ANO4: variants seen among roughly 807,000 people sequenced by gnomAD.
ANO4 encodes anoctamin-4.
Under a neutral mutation model 141.9 loss-of-function variants are expected in ANO4, and 69 were observed. The ratio of observed to expected loss-of-function variants is 0.49; its 90% CI spans 0.40 to 0.59. ANO4 has a LOEUF of 0.59. ANO4 is among the 20% of genes least tolerant of loss of function. ANO4 has a pLI of 0.00. For missense variants in ANO4, 894 were observed against 1,162.2 expected, an observed-to-expected ratio of 0.77 and a Z score of 3.36; for synonymous variants, 350 against 394.3, an observed-to-expected ratio of 0.89 and a Z score of 1.33.
intron 15 of ANO4, among the ~76,000 whole-genome samples, chr12:101,079,975 AC>A (rs1276222014): frequency 9.9e-5 from 15 of 151,920 alleles, no homozygotes; most frequent in Admixed American, 6.6e-5. Context: ...CCCCTCTTGG[AC>A]CCTGCTTCCC....
intron 3 of ANO4, among the ~76,000 whole-genome samples, chr12:100,937,891 T>A (rs879839570): frequency 2.6e-5 from 4 of 152,204 alleles, no homozygotes; most frequent in African/African-American, 4.8e-5. Flanking sequence ...CTTGCCTCCC[T>A]CTTCTTAAGA....
chr12:100,762,236 G>A (rs1431859190), intron 3 of ANO4, among the ~76,000 whole-genome samples: 1 of 152,196 alleles, frequency 6.6e-6, no homozygotes, highest in African/African-American at 2.4e-5. Flanking sequence ...ACAGTTGAGA[G>A]GCAGGTGCAG....
Position 101,043,697 on chromosome 12 carries a change from G to A in ANO4, c.1251+62G>A, listed in dbSNP as rs115679390. ...TTAACATACACCTTCCTGAGGGATG[G>A]TGGGTAACTCTATTCTGTCATTTCC... On this transcript the variant is annotated intron_variant, in intron 13 of 27. Coordinates refer to ENST00000392977, the MANE Select transcript of ANO4 (RefSeq NM_001286615.2). The A allele has an allele frequency of 3.7e-4, 449 of 1,223,638 alleles. 3 individuals are homozygous for A. In the African/African-American group the frequency reaches 6.2e-3, roughly 17 times the overall value. 75.8% of individuals were successfully genotyped at this position (1,223,638 alleles called of 1,614,324 possible).
At chr12:100,986,263 T>C (rs1410103045) in intron 7 of ANO4, among the ~76,000 whole-genome samples, 1 of 152,156 alleles carries the variant, frequency 6.6e-6, no homozygotes. Context: ...GGAAACCTGA[T>C]GGTGTAAGTC....
intron 7 of ANO4, among the ~76,000 whole-genome samples, chr12:100,977,498 C>T (rs865880130): frequency 3.3e-5 from 5 of 152,030 alleles, no homozygotes; most frequent in South Asian, 2.1e-4. Flanking sequence ...CTAGCTTGGG[C>T]AACATAGTGA....
chr12:101,081,022 A>AGT (rs139769612), intron 15 of ANO4, among the ~76,000 whole-genome samples: 2,485 of 141,216 alleles, frequency 0.018, 65 homozygotes, highest in African/African-American at 0.056. Context: ...TATGTATGTG[A>AGT]GTGTGTGTAT....
At chr12:101,029,111 C>T (rs1317705904) in intron 9 of ANO4, among the ~76,000 whole-genome samples, 1 of 152,188 alleles carries the variant, frequency 6.6e-6, no homozygotes, top group Non-Finnish European at 1.5e-5. Flanking sequence ...AAATAAAATC[C>T]TTTCCAGACA....
intron 7 of ANO4, among the ~76,000 whole-genome samples, chr12:100,977,532 T>TA (rs1592902840): frequency 6.6e-6 from 1 of 151,954 alleles, no homozygotes; most frequent in Admixed American, 6.6e-5. Context: ...AAAATGTAAA[T>TA]AAAAAAAACC....
At chr12:100,926,630 T>TGTG (rs2041884274) in intron 3 of ANO4, among the ~76,000 whole-genome samples, 4 of 140,350 alleles carry the variant, frequency 2.9e-5, no homozygotes, top group African/African-American at 1.2e-4. Context: ...GTGTGTGTGT[T>TGTG]TGTTTCTTTT....
intron 1 of ANO4, among the ~76,000 whole-genome samples, chr12:100,802,937 A>G (rs985723920): frequency 6.6e-6 from 1 of 152,202 alleles, no homozygotes; most frequent in Non-Finnish European, 1.5e-5. Flanking sequence ...TGACAATTCT[A>G]TGATAAACCA....
intron 9 of ANO4, among the ~76,000 whole-genome samples, chr12:101,021,117 G>A (rs2046504968): frequency 1.3e-5 from 2 of 152,224 alleles, no homozygotes; most frequent in African/African-American, 4.8e-5. Flanking sequence ...TGCAGATCCT[G>A]CTGGAAGAGG....
chr12:100,747,540 A>G (rs2032168623), intron 3 of ANO4, among the ~76,000 whole-genome samples: 1 of 152,264 alleles, frequency 6.6e-6, no homozygotes, highest in African/African-American at 2.4e-5. Context: ...CGGCCTCACC[A>G]TCTTCCCTTT....
chr12:100,920,951 TATC>T (rs1242266149), intron 2 of ANO4, among the ~76,000 whole-genome samples: 3 of 152,164 alleles, frequency 2.0e-5, no homozygotes, highest in Non-Finnish European at 4.4e-5. Flanking sequence ...GTGAGTCTGT[TATC>T]ATCATCCCTA....
intron 5 of ANO4, among the ~76,000 whole-genome samples, chr12:100,947,618 C>A: frequency 6.6e-6 from 1 of 152,202 alleles, no homozygotes; most frequent in East Asian, 1.9e-4. Flanking sequence ...CACACACACA[C>A]ATGCATGAGC....
intron 14 of ANO4, chr12:101,066,997 C>CAAAAAAAAAAA (rs34416390): frequency 6.6e-5 from 12 of 181,488 alleles, no homozygotes; most frequent in Admixed American, 1.7e-4. Context: ...TAAAGTATAA[C>CAAAAAAAAAAA]AAAAAAAAAA....
chr12:100,939,345 A>G lies in ANO4; in HGVS notation c.191A>G (p.Glu64Gly). The change falls in exon 4 of 28, where the codon GAA (glutamate) becomes GGA (glycine). Residue 64 changes from glutamate (E) to glycine (G), a missense_variant. Coordinates refer to ENST00000392977, the MANE Select transcript of ANO4 (RefSeq NM_001286615.2). The stretch of plus-strand genomic sequence containing the variant: ...AAGGATGTCAATATTCTTTTTGATG[A>G]ATTAGAAGCTGTCAGCAGTCCTTGC... ...MAKDVNILFD[E>G]LEAVSSPCKD... The G allele has an allele frequency of 6.2e-7, 1 of 1,613,318 alleles. No homozygotes were observed. Among genetic ancestry groups the G allele is most frequent in the South Asian group, 1.1e-5 (1 of 90,998 alleles).
chr12:100,848,637 C>G (rs77575623), intron 1 of ANO4, among the ~76,000 whole-genome samples: 15,189 of 152,200 alleles, frequency 0.1, 877 homozygotes, highest in South Asian at 0.16. Context: ...TGTGGTCTGA[C>G]TTCTCCTGGT....
chr12:101,068,481 C>T, intron 14 of ANO4: 3 of 977,194 alleles, frequency 3.1e-6, no homozygotes, highest in East Asian at 2.4e-5. Context: ...TCTTCTCACC[C>T]TGTTCTCAGT....
intron 1 of ANO4, among the ~76,000 whole-genome samples, chr12:100,825,560 A>G (rs1360037635): frequency 6.6e-6 from 1 of 152,092 alleles, no homozygotes; most frequent in Non-Finnish European, 1.5e-5. Flanking sequence ...TTTGTGATAG[A>G]TAAGACATAA....
Sources: gnomAD v4.1 joint callset for allele counts (sites outside exome capture counted in the v4.1 genomes callset) on GRCh38, gnomAD v4.1.1 for gene constraint, MANE v1.5 for transcripts, NCBI Gene and HGNC (gene_info 2026-07-23, HGNC 2026-07-21) for gene names.